The following CSMD2 variants were observed in gnomAD, a reference collection of about 807,000 sequenced individuals.
CSMD2 encodes CUB and sushi domain-containing protein 2.
In CSMD2, 130 loss-of-function variants were observed where a neutral mutation model predicts 398.5. The observed-to-expected ratio is 0.33, with a 90% CI of 0.28 to 0.38. The LOEUF (loss-of-function observed/expected upper bound fraction) is 0.38. Ranked by LOEUF, CSMD2 falls within the 10% of genes least tolerant of loss-of-function variation. The pLI is 1.00. For missense variants in CSMD2, 3,829 were observed against 4,764.9 expected, an observed-to-expected ratio of 0.80 and a Z score of 5.78; for synonymous variants, 1,828 against 1,908.5, an observed-to-expected ratio of 0.96 and a Z score of 1.10.
At chr1:33,742,145 C>A (rs1339769745) in intron 14 of CSMD2, among the ~76,000 whole-genome samples, 2 of 152,154 alleles carry the variant, frequency 1.3e-5, no homozygotes, top group African/African-American at 4.8e-5. Flanking sequence ...AACAGGAATC[C>A]CCTGGAGGAG....
At chr1:34,144,816 C>T (rs1345863249) in intron 1 of CSMD2, among the ~76,000 whole-genome samples, 1 of 152,200 alleles carries the variant, frequency 6.6e-6, no homozygotes, top group African/African-American at 2.4e-5. Context: ...TGTGGCTCTT[C>T]AAAGGCAGTA....
intron 13 of CSMD2, among the ~76,000 whole-genome samples, chr1:33,771,942 T>A (rs1346277874): frequency 6.6e-6 from 1 of 152,136 alleles, no homozygotes; most frequent in African/African-American, 2.4e-5. Context: ...ATTTAAGATA[T>A]CATTTGTGCT....
chr1:34,152,736 G>A (rs1394973388), intron 1 of CSMD2, among the ~76,000 whole-genome samples: 2 of 152,114 alleles, frequency 1.3e-5, no homozygotes, highest in African/African-American at 2.4e-5. Context: ...TATAACATAA[G>A]TGTGCAATCT....
intron 2 of CSMD2, among the ~76,000 whole-genome samples, chr1:34,080,413 C>T (rs9425901): frequency 0.033 from 4,953 of 151,988 alleles, 265 homozygotes; most frequent in African/African-American, 0.11. Flanking sequence ...AATTTTTTCA[C>T]CTTTCATACA....
At chr1:33,997,311 A>G (rs558090697) in intron 3 of CSMD2, among the ~76,000 whole-genome samples, 5 of 152,328 alleles carry the variant, frequency 3.3e-5, no homozygotes, top group South Asian at 2.1e-4. Context: ...TCGGTGTCCA[A>G]ATATGATTCT....
chr1:33,733,625 G>A (rs980242386), intron 15 of CSMD2, among the ~76,000 whole-genome samples: 2 of 152,022 alleles, frequency 1.3e-5, no homozygotes, highest in Non-Finnish European at 2.9e-5. Context: ...GGAGGTAATC[G>A]GATCATGGGG....
chr1:33,754,579 T>C (rs1460305316), intron 13 of CSMD2, among the ~76,000 whole-genome samples: 2 of 152,218 alleles, frequency 1.3e-5, no homozygotes, highest in South Asian at 2.1e-4. Context: ...GCATAGGAAA[T>C]ATCTGAGTTC....
At chr1:33,692,801 C>T (rs1645284643) in intron 25 of CSMD2, 129 bp downstream of exon 25, 1 of 1,164,032 alleles carries the variant, frequency 8.6e-7, no homozygotes, top group South Asian at 1.4e-5. Context: ...GTATAGCAAC[C>T]ACTATTGATC....
intron 64 of CSMD2, among the ~76,000 whole-genome samples, chr1:33,531,133 A>C (rs1408517373): frequency 6.6e-6 from 1 of 152,354 alleles, no homozygotes; most frequent in East Asian, 1.9e-4. Context: ...CAAGTATATG[A>C]AGTTAATGGA....
At position 34,165,058 on chromosome 1, in the gene CSMD2, A is replaced by T; in HGVS notation, c.40T>A (p.Cys14Ser). Residue 14 changes from cysteine (C) to serine (S), a missense_variant, in exon 1 of 71, where the codon TGC (cysteine) becomes AGC (serine). By Grantham distance (112) the Cys-to-Ser change is moderately radical (BLOSUM62 -1). This residue lies in a region of CSMD2 where 184 missense variants were observed against 217.7 expected (regional missense o/e 0.85). Coordinates refer to ENST00000373381, the MANE Select transcript of CSMD2 (RefSeq NM_001281956.2). The stretch of plus-strand genomic sequence containing the variant: ...TCGCCGCGAGCCCTCCCCGCGGGGC[A>T]GCCGCAGCGCCCCAGCTCCCGTCCC... Reference protein sequence around the residue: ...SRGRELGRCGCPAGRARGETG... With the variant: ...SRGRELGRCGSPAGRARGETG... 4 of 1,215,452 alleles carry T rather than the reference A, an allele frequency of 3.3e-6. No individual in the cohort carries two copies. Among genetic ancestry groups the T allele is most frequent in the Non-Finnish European group, 4.1e-6 (4 of 977,432 alleles). 75.3% of individuals were successfully genotyped at this position (1,215,452 alleles called of 1,614,324 possible).
chr1:33,576,338 C>T (rs1418080289), intron 49 of CSMD2, among the ~76,000 whole-genome samples: 2 of 152,152 alleles, frequency 1.3e-5, no homozygotes, highest in African/African-American at 2.4e-5. Context: ...CACCTGTAAT[C>T]ACAGCACTCT....
At chr1:33,880,511 C>T (rs929467740) in intron 5 of CSMD2, among the ~76,000 whole-genome samples, 1 of 152,126 alleles carries the variant, frequency 6.6e-6, no homozygotes, top group African/African-American at 2.4e-5. Context: ...ATGGGATTTG[C>T]ATTTAAAAAC....
chr1:33,686,531 C>T (rs1048794731), intron 25 of CSMD2, among the ~76,000 whole-genome samples: 1 of 152,226 alleles, frequency 6.6e-6, no homozygotes, highest in African/African-American at 2.4e-5. Context: ...TCACACACAT[C>T]CAGGCAGGAC....
At chr1:33,702,955 A>C (rs1214053364) in intron 22 of CSMD2, among the ~76,000 whole-genome samples, 2 of 152,168 alleles carry the variant, frequency 1.3e-5, no homozygotes, top group Admixed American at 6.5e-5. Flanking sequence ...ACACACTACT[A>C]ATTTCAAATC....
chr1:33,883,269 C>T (rs1032694063), intron 5 of CSMD2, among the ~76,000 whole-genome samples: 11 of 152,154 alleles, frequency 7.2e-5, no homozygotes, highest in African/African-American at 2.4e-4. Flanking sequence ...TAAAAAAGAC[C>T]TGGGCTTCCA....
chr1:33,876,328 G>A (rs1281005802), intron 5 of CSMD2, among the ~76,000 whole-genome samples: 1 of 152,164 alleles, frequency 6.6e-6, no homozygotes, highest in Non-Finnish European at 1.5e-5. Flanking sequence ...TCTACCTTGG[G>A]AATCTGTCAT....
intron 2 of CSMD2, among the ~76,000 whole-genome samples, chr1:34,076,928 A>AAAAAATATATAT (rs1232288848): frequency 2.4e-4 from 13 of 53,594 alleles, no homozygotes; most frequent in African/African-American, 6.0e-4. Context: ...AAAAAAAAAA[A>AAAAAATATATAT]ATATATATAT....
intron 1 of CSMD2, among the ~76,000 whole-genome samples, chr1:34,122,743 C>T (rs955427611): frequency 1.3e-5 from 2 of 152,104 alleles, no homozygotes. Flanking sequence ...ATTCCTACAC[C>T]CATGCAAATC....
intron 24 of CSMD2, among the ~76,000 whole-genome samples, chr1:33,695,511 C>T (rs1235036940): frequency 6.6e-6 from 1 of 152,124 alleles, no homozygotes; most frequent in African/African-American, 2.4e-5. Flanking sequence ...TGCTGGTGTT[C>T]TCCTCCTTCC....
Sources: gnomAD v4.1 joint callset for allele counts (sites outside exome capture counted in the v4.1 genomes callset) on GRCh38, gnomAD v4.1.1 for gene constraint, gnomAD v4.1.1 regional missense constraint, MANE v1.5 for transcripts, NCBI Gene and HGNC (gene_info 2026-07-23, HGNC 2026-07-21) for gene names.